The following LMO7 variants were observed in gnomAD, a reference collection of about 807,000 sequenced individuals.
LMO7 encodes the protein LIM domain only protein 7.
In LMO7, 120 loss-of-function variants were observed where a neutral mutation model predicts 206.5. That is an observed-to-expected ratio of 0.58 (90% CI 0.50 to 0.68). LMO7 has a LOEUF of 0.68. LMO7 is among the 30% of genes least tolerant of loss of function. The pLI is 0.00. For missense variants in LMO7, 1,959 were observed against 1,957.9 expected (o/e 1.00, Z -0.01); for synonymous variants, 706 against 681.5 (o/e 1.04, Z -0.56).
intron 4 of LMO7, among the ~76,000 whole-genome samples, chr13:75,779,237 C>T (rs1021754075): frequency 3.3e-5 from 5 of 151,986 alleles, no homozygotes; most frequent in African/African-American, 9.7e-5. Context: ...AAATTCTGGG[C>T]AGAGATAATG....
At position 75,681,732 on chromosome 13, in the gene LMO7, A is replaced by ATGTG. The variant is rs1566304894; in HGVS notation, c.70-31449_70-31448insGTGT. Among the ~76,000 whole-genome samples the ATGTG allele has an allele frequency of 2.6e-3, 352 of 135,272 alleles. 8 individuals are homozygous for ATGTG. Among genetic ancestry groups the ATGTG allele is most frequent in the East Asian group, 0.024 (106 of 4,498 alleles). 88.7% of individuals were successfully genotyped at this position (135,272 alleles called of 152,430 possible). ...TATATATATATGTATATATATATAT[A>ATGTG]TATATATATATATATATGGAATCTT... is the stretch of plus-strand genomic sequence containing the variant. On this transcript the variant is annotated intron_variant, in intron 1 of 30. Coordinates refer to ENST00000377534, the MANE Select transcript of LMO7 (RefSeq NM_001306080.2).
At chr13:75,713,287 A>ATT in intron 2 of LMO7, 35 bp downstream of exon 2, 1 of 1,501,382 alleles carries the variant, frequency 6.7e-7, no homozygotes, top group Non-Finnish European at 9.1e-7. Context: ...ATAATTCAAA[A>ATT]GCAAAGATAT....
intron 2 of LMO7, among the ~76,000 whole-genome samples, chr13:75,628,818 C>T (rs1285118966): frequency 1.3e-5 from 2 of 152,222 alleles, no homozygotes; most frequent in African/African-American, 4.8e-5. Context: ...ATCCCTTCTT[C>T]CTTTACAACA....
rs2061160787 is a variant in LMO7, at chr13:75,859,746, C to T, written c.*1803C>T. 6.6e-6 allele frequency: 1 copy of T among 152,150 alleles called. No homozygotes were observed. The highest frequency in any genetic ancestry group is 1.5e-5 in the Non-Finnish European group (1 of 68,026). The allele number at this position is 152,150 out of a possible 1,614,324, so 9.4% of individuals were successfully genotyped here. On this transcript the variant is annotated 3_prime_UTR_variant, in exon 31 of 31. Coordinates refer to ENST00000377534, the MANE Select transcript of LMO7 (RefSeq NM_001306080.2). ...TCGACTCCTATAAGCAGCACGTGGG[C>T]TTGTTCATCTCACTGCATGTTTATG...
intron 11 of LMO7, among the ~76,000 whole-genome samples, chr13:75,811,566 C>G (rs994103170): frequency 6.6e-6 from 1 of 152,132 alleles, no homozygotes; most frequent in Admixed American, 6.5e-5. Context: ...TGAATGCTTT[C>G]TTTTTTGTAA....
intron 4 of LMO7, among the ~76,000 whole-genome samples, chr13:75,765,042 A>G (rs2048669580): frequency 6.6e-6 from 1 of 152,184 alleles, no homozygotes. Context: ...GTGTTAACAT[A>G]TTCCCATCAG....
intron 1 of LMO7, among the ~76,000 whole-genome samples, chr13:75,687,993 G>A (rs541372466): frequency 5.9e-5 from 9 of 152,212 alleles, no homozygotes; most frequent in South Asian, 2.1e-4. Context: ...TAAGTCTCAC[G>A]AGATCTGATG....
chr13:75,690,857 G>C (rs1397603952), intron 1 of LMO7, among the ~76,000 whole-genome samples: 1 of 152,170 alleles, frequency 6.6e-6, no homozygotes, highest in Non-Finnish European at 1.5e-5. Context: ...ACAGATACTT[G>C]CTGAAAGGAT....
chr13:75,701,942 T>C (rs753495974), intron 1 of LMO7, among the ~76,000 whole-genome samples: 6 of 152,220 alleles, frequency 3.9e-5, no homozygotes, highest in Non-Finnish European at 1.5e-5. Context: ...TCTTCCTTCA[T>C]TTCTTCCCTG....
rs144725291 is a variant in LMO7 at position 75,855,712 on chromosome 13, C to T, written c.4770+344C>T. 5.4e-3 allele frequency among the ~76,000 whole-genome samples: 821 copies of T among 152,302 alleles called. 7 individuals carry two copies. Among genetic ancestry groups the T allele is most frequent in the African/African-American group, 0.017 (726 of 41,562 alleles). On this transcript the variant is annotated intron_variant, in intron 29 of 30. Transcript: ENST00000377534. ...GTGTTGTTAAGGGCAGGGACACATG[C>T]AGTTATCACAGTGTCTGAAAGCCTA...
chr13:75,713,390 C>T (rs999447465), intron 2 of LMO7, 138 bp downstream of exon 2: 7 of 527,694 alleles, frequency 1.3e-5, no homozygotes, highest in Non-Finnish European at 2.3e-5. Flanking sequence ...TTGATCCCTG[C>T]AAATTGATAC....
Position 75,805,579 on chromosome 13 carries a change from A to C in LMO7, c.1015A>C (p.Arg339=), listed in dbSNP as rs745404713. The C allele has an allele frequency of 2.0e-5, 32 of 1,613,954 alleles. 1 individual carries two copies. In the South Asian group the frequency reaches 3.5e-4, roughly 18 times the overall value. Residue 339 remains arginine (R), a synonymous_variant, in exon 9 of 31, where the codon AGA becomes CGA. Coordinates refer to ENST00000377534, the MANE Select transcript of LMO7 (RefSeq NM_001306080.2). ...CYLEEEKAKT[R]SIPNIVKDDL... is the part of the protein sequence containing the mutation. ...TTTGGAAGAGGAAAAAGCAAAGACA[A>C]GAAGCATACCCAACATTGTAAAGGA...
intron 24 of LMO7, among the ~76,000 whole-genome samples, chr13:75,842,246 G>A (rs1330774603): frequency 6.6e-6 from 1 of 152,118 alleles, no homozygotes; most frequent in East Asian, 1.9e-4. Context: ...ACATTACCTT[G>A]TAGTACCTCT....
At chr13:75,768,510 T>G (rs1316345940) in intron 4 of LMO7, among the ~76,000 whole-genome samples, 1 of 152,112 alleles carries the variant, frequency 6.6e-6, no homozygotes, top group Non-Finnish European at 1.5e-5. Context: ...TTTCTGTATT[T>G]TCTAAAATCT....
chr13:75,728,384 G>A (rs1165453773), intron 3 of LMO7, among the ~76,000 whole-genome samples: 1 of 152,178 alleles, frequency 6.6e-6, no homozygotes, highest in Non-Finnish European at 1.5e-5. Context: ...GTGATGATGA[G>A]TATTTTTTCA....
At chr13:75,698,437 G>A (rs2042045213) in intron 1 of LMO7, among the ~76,000 whole-genome samples, 1 of 151,954 alleles carries the variant, frequency 6.6e-6, no homozygotes, top group Admixed American at 6.6e-5. Flanking sequence ...CTACAGACAT[G>A]TGCCCCCTCA....
chr13:75,779,151 C>A (rs1175782414), intron 4 of LMO7, among the ~76,000 whole-genome samples: 4 of 152,052 alleles, frequency 2.6e-5, no homozygotes, highest in African/African-American at 7.2e-5. Flanking sequence ...GCCTGTACAA[C>A]CAGGACAGAG....
chr13:75,823,882 G>A lies in LMO7; in HGVS notation c.2949+9G>A, dbSNP rs1566552100. ...AAGTCTCAAGATCCCAGGTGAGTTT[G>A]GAAAAGTTCTTTATCATCTGTGGCT... On this transcript the variant is annotated intron_variant, in intron 15 of 30. Transcript: ENST00000377534. 6.2e-7 allele frequency: 1 copy of A among 1,609,978 alleles called. No individual in the cohort carries two copies. Among genetic ancestry groups the A allele is most frequent in the East Asian group, 2.2e-5 (1 of 44,786 alleles).
At chr13:75,665,793 C>G (rs1366146974) in intron 1 of LMO7, among the ~76,000 whole-genome samples, 5 of 152,186 alleles carry the variant, frequency 3.3e-5, no homozygotes, top group Non-Finnish European at 7.3e-5. Context: ...TCCCAAAGTG[C>G]TGGGATTACA....
Sources: gnomAD v4.1 joint callset for allele counts (sites outside exome capture counted in the v4.1 genomes callset) on GRCh38, gnomAD v4.1.1 for gene constraint, MANE v1.5 for transcripts, NCBI Gene and HGNC (gene_info 2026-07-23, HGNC 2026-07-21) for gene names.